COL14A1: variants seen among roughly 807,000 people sequenced by gnomAD.
COL14A1 encodes the protein collagen alpha-1(XIV) chain.
COL14A1 carries 136 observed loss-of-function variants against 230.3 expected under a neutral mutation model. The ratio of observed to expected loss-of-function variants is 0.59; its 90% CI spans 0.51 to 0.68. The LOEUF is 0.68. Ranked by LOEUF, COL14A1 falls within the 30% of genes least tolerant of loss-of-function variation. The probability of loss-of-function intolerance (pLI) is 0.00; values close to 1 mark genes in which losing one functional copy is unlikely to be tolerated. For missense variants in COL14A1, 1,976 were observed against 2,215.8 expected (o/e 0.89, Z 2.17); for synonymous variants, 792 against 784.1 (o/e 1.01, Z -0.17).
intron 5 of COL14A1, among the ~76,000 whole-genome samples, chr8:120,179,656 A>G (rs1816397676): frequency 6.6e-6 from 1 of 152,190 alleles, no homozygotes; most frequent in Non-Finnish European, 1.5e-5. Flanking sequence ...TCAAGCTACC[A>G]TTAGAATTAG....
chr8:120,167,519 G>A (rs576500977), intron 4 of COL14A1, among the ~76,000 whole-genome samples: 2 of 152,324 alleles, frequency 1.3e-5, no homozygotes, highest in South Asian at 4.1e-4. Flanking sequence ...GAATGCAGTG[G>A]AAAGTTAAGC....
chr8:120,287,442 ATTGT>A (rs766833943), intron 33 of COL14A1, among the ~76,000 whole-genome samples: 4 of 152,166 alleles, frequency 2.6e-5, no homozygotes, highest in African/African-American at 4.8e-5. Context: ...AAAAAATAAA[ATTGT>A]TTGGGAGATG....
At chr8:120,356,345 T>A (rs1309633206) in intron 45 of COL14A1, among the ~76,000 whole-genome samples, 1 of 152,176 alleles carries the variant, frequency 6.6e-6, no homozygotes, top group Non-Finnish European at 1.5e-5. Context: ...ACAATAGGGG[T>A]CTAGAATTCA....
At chr8:120,196,981 G>A (rs200821415) in intron 6 of COL14A1, 35 bp downstream of exon 6, 3 of 1,603,378 alleles carry the variant, frequency 1.9e-6, no homozygotes, top group Admixed American at 1.7e-5. Flanking sequence ...GCAGTCAGTT[G>A]TCAGTGCAAA....
intron 40 of COL14A1, among the ~76,000 whole-genome samples, chr8:120,331,160 A>G (rs1821850816): frequency 6.6e-6 from 1 of 152,004 alleles, no homozygotes; most frequent in South Asian, 2.1e-4. Context: ...ATAAGTGGAA[A>G]AGATGGCTCA....
intron 1 of COL14A1, among the ~76,000 whole-genome samples, chr8:120,136,191 G>C (rs773064951): frequency 6.6e-6 from 1 of 152,056 alleles, no homozygotes; most frequent in Non-Finnish European, 1.5e-5. Context: ...TTGATCTTAG[G>C]AGAAAAGCAT....
chr8:120,153,120 C>CAAAATTTAATTGTTTTATAA (rs1211878450), intron 2 of COL14A1, among the ~76,000 whole-genome samples: 5 of 152,084 alleles, frequency 3.3e-5, no homozygotes, highest in Admixed American at 3.3e-4. Flanking sequence ...AATTTAATTG[C>CAAAATTTAATTGTTTTATAA]TCCGATTTAT....
At chr8:120,367,954 A>C (rs2130393527) in intron 46 of COL14A1, among the ~76,000 whole-genome samples, 1 of 152,054 alleles carries the variant, frequency 6.6e-6, no homozygotes, top group African/African-American at 2.4e-5. Context: ...GAAAAAAAAA[A>C]AAGAAGGCAC....
At chr8:120,325,586 G>T (rs1046206719) in intron 40 of COL14A1, among the ~76,000 whole-genome samples, 2 of 152,090 alleles carry the variant, frequency 1.3e-5, no homozygotes, top group Non-Finnish European at 2.9e-5. Flanking sequence ...TCCACCTCCT[G>T]GGTTCAAGCG....
chr8:120,196,851 C>G lies in COL14A1; in HGVS notation c.497C>G (p.Ser166Ter). 1 of 1,614,040 alleles carries G rather than the reference C, an allele frequency of 6.2e-7. No homozygotes were observed. Among genetic ancestry groups the G allele is most frequent in the Non-Finnish European group, 8.5e-7 (1 of 1,179,990 alleles). The change falls in exon 6 of 48, where the codon TCA (serine) becomes TGA (stop). Residue 166 changes from serine to a stop codon, truncating the protein, a stop_gained. Coordinates refer to ENST00000297848, the MANE Select transcript of COL14A1 (RefSeq NM_021110.4). LOFTEE classifies it high-confidence loss of function. ...GACATTGTAATCCTGGTCGATGGTT[C>G]ATGGAGTATTGGAAGATTCAACTTC... ...IADIVILVDG[S>*]WSIGRFNFRL...
intron 4 of COL14A1, among the ~76,000 whole-genome samples, chr8:120,164,789 G>T (rs1241176089): frequency 6.6e-6 from 1 of 152,178 alleles, no homozygotes; most frequent in Non-Finnish European, 1.5e-5. Context: ...CAACATTCCT[G>T]CATGAGTTGC....
At chr8:120,266,038 A>T (rs1406525469) in intron 24 of COL14A1, among the ~76,000 whole-genome samples, 1 of 152,092 alleles carries the variant, frequency 6.6e-6, no homozygotes, top group Non-Finnish European at 1.5e-5. Flanking sequence ...AAACTGGGAT[A>T]GCGAGAAGAA....
At chr8:120,286,506 T>A (rs1203549239) in intron 33 of COL14A1, among the ~76,000 whole-genome samples, 1 of 152,096 alleles carries the variant, frequency 6.6e-6, no homozygotes, top group Non-Finnish European at 1.5e-5. Context: ...TTAATTTATT[T>A]ATTTATTAAT....
At position 120,277,947 on chromosome 8, in the gene COL14A1, G is replaced by A. The variant is rs73329016; in HGVS notation, c.3214-164G>A. 5,592 of 569,840 alleles carry A rather than the reference G, an allele frequency of 9.8e-3. 229 individuals carry two copies. The highest frequency in any genetic ancestry group is 0.093 in the African/African-American group (4,849 of 52,292). 35.3% of individuals were successfully genotyped at this position (569,840 alleles called of 1,614,324 possible). On this transcript the variant is annotated intron_variant, in intron 26 of 47. Transcript: ENST00000297848. ...AAAAAAGAAAAGATGTATTTAATTT[G>A]TCTTCAAATTTGGTATGTAACTTGT...
intron 36 of COL14A1, among the ~76,000 whole-genome samples, chr8:120,305,775 T>A (rs1820840960): frequency 6.6e-6 from 1 of 152,198 alleles, no homozygotes; most frequent in Non-Finnish European, 1.5e-5. Flanking sequence ...AATTTTTGCT[T>A]TTTTTGTATT....
chr8:120,308,372 T>A (rs1214325866), intron 36 of COL14A1, among the ~76,000 whole-genome samples: 2 of 152,170 alleles, frequency 1.3e-5, no homozygotes, highest in Non-Finnish European at 2.9e-5. Flanking sequence ...TCTTAACATA[T>A]CCAAGGTTCA....
rs375140390 is a variant in COL14A1, at chr8:120,252,190, T to C, written c.2752+1424T>C. Among the ~76,000 whole-genome samples the C allele has an allele frequency of 2.1e-4, 32 of 152,282 alleles. 1 individual carries two copies. The East Asian group carries it at 6.0e-3, about 28-fold the overall frequency. ...AAATGACATCTTTATTTTATTTTAT[T>C]TATTTTAAAAACTTCAATATCCCTT... On this transcript the variant is annotated intron_variant, in intron 22 of 47. Transcript: ENST00000297848.
chr8:120,312,057 A>G (rs1198269565), intron 37 of COL14A1, among the ~76,000 whole-genome samples: 1 of 152,110 alleles, frequency 6.6e-6, no homozygotes, highest in Non-Finnish European at 1.5e-5. Flanking sequence ...AGATCACACC[A>G]CTGCACTCCA....
chr8:120,191,721 G>T (rs1816832430), intron 5 of COL14A1, among the ~76,000 whole-genome samples: 3 of 150,350 alleles, frequency 2.0e-5, no homozygotes, highest in East Asian at 2.0e-4. Flanking sequence ...TTATGAATCT[G>T]GGTGCTCCTG....
Sources: gnomAD v4.1 joint callset for allele counts (sites outside exome capture counted in the v4.1 genomes callset) on GRCh38, gnomAD v4.1.1 for gene constraint, MANE v1.5 for transcripts, NCBI Gene and HGNC (gene_info 2026-07-23, HGNC 2026-07-21) for gene names.